RBFOX2: variants seen among roughly 807,000 people sequenced by gnomAD.
RBFOX2 encodes RNA binding fox-1 homolog 2.
RBFOX2 carries 10 observed loss-of-function variants against 49.1 expected under a neutral mutation model. That is an observed-to-expected ratio of 0.20 (90% CI 0.13 to 0.35). The LOEUF is 0.35. RBFOX2 is among the 10% of genes least tolerant of loss of function. RBFOX2 has a pLI of 1.00. For missense variants in RBFOX2, 323 were observed against 486.9 expected (o/e 0.66, Z 3.17); for synonymous variants, 183 against 187.4 (o/e 0.98, Z 0.19).
chr22:35,766,067 T>C (rs763063555), intron 5 of RBFOX2, among the ~76,000 whole-genome samples: 1 of 152,196 alleles, frequency 6.6e-6, no homozygotes, highest in Non-Finnish European at 1.5e-5. Flanking sequence ...AGAACAAAGC[T>C]TTTAAGAAAG....
At chr22:35,765,938 T>C (rs2146528157) in intron 5 of RBFOX2, among the ~76,000 whole-genome samples, 1 of 152,322 alleles carries the variant, frequency 6.6e-6, no homozygotes, top group South Asian at 2.1e-4. Flanking sequence ...ATTTTAAATA[T>C]GTCTGTCAGA....
At chr22:35,939,077 A>G, upstream of RBFOX2, 1 of 704,210 alleles carries the variant, frequency 1.4e-6, no homozygotes, top group Non-Finnish European at 2.6e-6. Flanking sequence ...ACTGGCAAAA[A>G]CAAAAAACAG....
chr22:36,013,648 C>G (rs58046973), intron 1 of RBFOX2, among the ~76,000 whole-genome samples: 5,423 of 147,976 alleles, frequency 0.037, 135 homozygotes, highest in Middle Eastern at 0.078. Flanking sequence ...CACACACACA[C>G]AGAGAGAGAG....
At chr22:35,944,126 T>C (rs1026966561) in intron 1 of RBFOX2, among the ~76,000 whole-genome samples, 1 of 152,252 alleles carries the variant, frequency 6.6e-6, no homozygotes. Flanking sequence ...GCTGGTATTC[T>C]TGCCCTTGAG....
At position 35,746,104 on chromosome 22, in the gene RBFOX2, A is replaced by G. The variant is rs548070789; in HGVS notation, c.977-109T>C. ...GTGAGTCACTTGGTCTTGGATTATC[A>G]TAAGGAAACTGGAATTACAAGGAAT... On this transcript the variant is annotated intron_variant, in intron 10 of 11. Transcript: ENST00000405409. 7.4e-6 allele frequency: 7 copies of G among 946,678 alleles called. No homozygotes were observed. In the African/African-American group the frequency reaches 1.2e-4, roughly 16 times the overall value. 58.6% of individuals were successfully genotyped at this position (946,678 alleles called of 1,614,324 possible). A position where few individuals can be genotyped will look rare whatever the true frequency, so the allele number is the denominator to read the frequency against.
intron 1 of RBFOX2, among the ~76,000 whole-genome samples, chr22:35,909,857 C>A (rs1463950545): frequency 6.6e-6 from 1 of 152,214 alleles, no homozygotes; most frequent in Non-Finnish European, 1.5e-5. Context: ...AGGTGATCCA[C>A]CCACCTCGGC....
intron 2 of RBFOX2, among the ~76,000 whole-genome samples, chr22:35,801,443 ACACACTCT>A (rs1164885360): frequency 6.6e-6 from 1 of 151,766 alleles, no homozygotes; most frequent in African/African-American, 2.4e-5. Context: ...ACACACACAC[ACACACTCT>A]CTCTCTCTCT....
chr22:36,013,561 G>A (rs1035255131), intron 1 of RBFOX2, among the ~76,000 whole-genome samples: 3 of 151,954 alleles, frequency 2.0e-5, no homozygotes, highest in Admixed American at 1.3e-4. Context: ...AGGTTTGTCT[G>A]TCTGCAAGGC....
At chr22:35,748,877 A>T (rs1933824618) in intron 9 of RBFOX2, among the ~76,000 whole-genome samples, 1 of 152,210 alleles carries the variant, frequency 6.6e-6, no homozygotes, top group South Asian at 2.1e-4. Context: ...TTCACACCTG[A>T]CTCTCAGGAA....
intron 5 of RBFOX2, 86 bp downstream of exon 6, chr22:35,768,171 G>C: frequency 3.5e-6 from 5 of 1,409,484 alleles, no homozygotes; most frequent in Non-Finnish European, 5.0e-6. Flanking sequence ...ACATAAGACA[G>C]GGTTCCAAAT....
At chr22:35,899,570 A>C (rs1408732716) in intron 1 of RBFOX2, among the ~76,000 whole-genome samples, 5 of 151,802 alleles carry the variant, frequency 3.3e-5, no homozygotes, top group Admixed American at 6.6e-5. Flanking sequence ...ACAAAACAAA[A>C]AAAAAAAAAG....
chr22:35,764,584 C>CA (rs1176043873), intron 6 of RBFOX2, among the ~76,000 whole-genome samples: 10,421 of 60,108 alleles, frequency 0.17, 554 homozygotes, highest in East Asian at 0.28. Context: ...GACTCCGTCT[C>CA]AAAAAAAAAA....
intron 1 of RBFOX2, among the ~76,000 whole-genome samples, chr22:35,960,613 C>T (rs115540685): frequency 3.0e-4 from 46 of 152,224 alleles, no homozygotes; most frequent in African/African-American, 1.1e-3. Context: ...TTAAAGAGCC[C>T]TTGATCTGAA....
At chr22:35,745,425 A>G (rs1254176324) in intron 11 of RBFOX2, among the ~76,000 whole-genome samples, 1 of 152,260 alleles carries the variant, frequency 6.6e-6, no homozygotes, top group Non-Finnish European at 1.5e-5. Context: ...ATAATCAATA[A>G]TAAAATATCC....
At chr22:35,832,166 G>A (rs1956926500) in intron 1 of RBFOX2, among the ~76,000 whole-genome samples, 1 of 152,178 alleles carries the variant, frequency 6.6e-6, no homozygotes, top group Non-Finnish European at 1.5e-5. Context: ...GAGGTCAGGA[G>A]TTCAAGACCA....
At chr22:35,982,328 C>T (rs9610372) in intron 1 of RBFOX2, among the ~76,000 whole-genome samples, 12,955 of 152,172 alleles carry the variant, frequency 0.085, 797 homozygotes, top group Non-Finnish European at 0.12. Flanking sequence ...TCCCCCAGGT[C>T]CCTTTCCCTG....
At chr22:35,937,378 C>T (rs891507187) in intron 1 of RBFOX2, among the ~76,000 whole-genome samples, 1 of 152,136 alleles carries the variant, frequency 6.6e-6, no homozygotes, top group African/African-American at 2.4e-5. Context: ...CTTCCATCTT[C>T]AATATCAACA....
At chr22:35,866,450 T>C (rs2149136548) in intron 1 of RBFOX2, among the ~76,000 whole-genome samples, 1 of 152,332 alleles carries the variant, frequency 6.6e-6, no homozygotes, top group South Asian at 2.1e-4. Context: ...TTGATAGACA[T>C]ACTATTATTT....
chr22:36,001,793 G>A (rs899813169), intron 1 of RBFOX2, among the ~76,000 whole-genome samples: 1 of 151,992 alleles, frequency 6.6e-6, no homozygotes, highest in Non-Finnish European at 1.5e-5. Flanking sequence ...GCCAGACGTG[G>A]TGGCTCACGC....
Sources: gnomAD v4.1 joint callset for allele counts (sites outside exome capture counted in the v4.1 genomes callset) on GRCh38, gnomAD v4.1.1 for gene constraint, MANE v1.5 for transcripts, NCBI Gene and HGNC (gene_info 2026-07-23, HGNC 2026-07-21) for gene names.